The following EDA variants were observed in gnomAD, a reference collection of about 807,000 sequenced individuals.
EDA encodes the protein ectodysplasin A.
Under a neutral mutation model 23.6 loss-of-function variants are expected in EDA, and 2 were observed. That is an observed-to-expected ratio of 0.08 (90% CI 0.03 to 0.27). The LOEUF (loss-of-function observed/expected upper bound fraction) is 0.27. Ranked by LOEUF, EDA falls within the 10% of genes least tolerant of loss-of-function variation. The probability of loss-of-function intolerance (pLI) is 1.00; values close to 1 mark genes in which losing one functional copy is unlikely to be tolerated. For synonymous variants in EDA, 131 were observed against 132.0 expected, an observed-to-expected ratio of 0.99 and a Z score of 0.05; for missense variants, 229 against 324.2, an observed-to-expected ratio of 0.71 and a Z score of 2.26.
chrX:69,861,654 A>G (rs954406242), intron 1 of EDA, among the ~76,000 whole-genome samples: 4 of 111,848 alleles, frequency 3.6e-5, no homozygotes, highest in African/African-American at 1.3e-4. Flanking sequence ...CATCTAAAGC[A>G]TAAGAACACA....
At chrX:69,851,585 A>G (rs1165527068) in intron 1 of EDA, among the ~76,000 whole-genome samples, 1 of 112,521 alleles carries the variant, frequency 8.9e-6, no homozygotes, top group Non-Finnish European at 1.9e-5. Flanking sequence ...CCCACTTGGA[A>G]GAGAAAAATC....
chrX:69,813,097 T>A (rs891253329), intron 1 of EDA, among the ~76,000 whole-genome samples: 2 of 111,107 alleles, frequency 1.8e-5, no homozygotes, highest in East Asian at 5.7e-4. Context: ...AGTAATCCTT[T>A]TATGTGTTCT....
chrX:69,672,748 G>C (rs756312650), intron 1 of EDA, among the ~76,000 whole-genome samples: 1 of 111,047 alleles, frequency 9.0e-6, no homozygotes, highest in South Asian at 3.9e-4. Flanking sequence ...CGGGCGTGGT[G>C]GTGGGCACCT....
At chrX:69,639,980 C>T (rs1410705615) in intron 1 of EDA, among the ~76,000 whole-genome samples, 1 of 111,686 alleles carries the variant, frequency 9.0e-6, no homozygotes, top group Non-Finnish European at 1.9e-5. Flanking sequence ...CGTAGATATC[C>T]AGTTTTCCTA....
chrX:69,990,998 T>G (rs192201562), intron 2 of EDA, among the ~76,000 whole-genome samples: 1 of 111,393 alleles, frequency 9.0e-6, no homozygotes, highest in East Asian at 2.8e-4. Flanking sequence ...TTGGCTTATT[T>G]TGGTCATTTT....
At chrX:69,692,181 G>T (rs1257046329) in intron 1 of EDA, among the ~76,000 whole-genome samples, 1 of 111,709 alleles carries the variant, frequency 9.0e-6, no homozygotes, top group Non-Finnish European at 1.9e-5. Context: ...ACCAGCTGTT[G>T]TAACATGTAT....
chrX:69,719,440 T>C (rs1186788469), intron 1 of EDA, among the ~76,000 whole-genome samples: 1 of 111,010 alleles, frequency 9.0e-6, no homozygotes, highest in African/African-American at 3.3e-5. Flanking sequence ...TTAGTGTACC[T>C]GTCACCTGAA....
chrX:69,902,605 AT>A (rs2018114556), intron 1 of EDA, among the ~76,000 whole-genome samples: 1 of 112,220 alleles, frequency 8.9e-6, no homozygotes, highest in Admixed American at 9.5e-5. Context: ...CATTAAAAAA[AT>A]TCTGTTTGAT....
At chrX:70,022,711 T>C (rs2020053081) in intron 2 of EDA, 1 of 113,406 alleles carries the variant, frequency 8.8e-6, no homozygotes, top group Middle Eastern at 9.5e-4. Context: ...GAGTGTATTA[T>C]GGTCAAACTT....
intron 1 of EDA, among the ~76,000 whole-genome samples, chrX:69,796,364 A>G (rs1034034336): frequency 2.7e-5 from 3 of 112,090 alleles, no homozygotes; most frequent in African/African-American, 9.7e-5. Flanking sequence ...CTAGGAGCCA[A>G]AGACAGGACC....
At chrX:69,921,908 G>A (rs1469272630) in intron 1 of EDA, among the ~76,000 whole-genome samples, 3 of 110,755 alleles carry the variant, frequency 2.7e-5, no homozygotes, top group East Asian at 2.8e-4. Context: ...AGTATCATAC[G>A]GAATATTTCG....
At chrX:69,828,197 G>C (rs1181182173) in intron 1 of EDA, among the ~76,000 whole-genome samples, 1 of 112,144 alleles carries the variant, frequency 8.9e-6, no homozygotes, top group African/African-American at 3.2e-5. Flanking sequence ...ACAGAGGCAG[G>C]CAGGCCTCCT....
intron 1 of EDA, among the ~76,000 whole-genome samples, chrX:69,687,343 T>C (rs913188141): frequency 9.1e-6 from 1 of 110,246 alleles, no homozygotes. Context: ...CTTGCAAATA[T>C]TGTCTTTCAT....
rs189338474 is a variant in EDA, at chrX:69,761,161, T to G, written c.396+144457T>G. 5.4e-5 allele frequency among the ~76,000 whole-genome samples: 6 copies of G among 110,787 alleles called. No individual in the cohort carries two copies. The East Asian group carries it at 1.4e-3, about 26-fold the overall frequency. On this transcript the variant is annotated intron_variant, in intron 1 of 7. Transcript: ENST00000374552. ...AGGTTAGGAAGATGTACAAGGTCAT[T>G]GCTTAGATATCAATGGAAAAGGAAG...
intron 1 of EDA, among the ~76,000 whole-genome samples, chrX:69,922,866 T>C (rs921195549): frequency 4.5e-5 from 5 of 111,352 alleles, no homozygotes; most frequent in Admixed American, 3.8e-4. Flanking sequence ...GTTTTGTTGG[T>C]AAGCAAGATG....
chrX:69,862,196 A>G (rs2017397236), intron 1 of EDA, among the ~76,000 whole-genome samples: 1 of 111,135 alleles, frequency 9.0e-6, no homozygotes, highest in Middle Eastern at 4.6e-3. Flanking sequence ...TCAGTTCTCC[A>G]CCACATGGGC....
intron 1 of EDA, among the ~76,000 whole-genome samples, chrX:69,619,628 C>T (rs1932102051): frequency 8.9e-6 from 1 of 111,908 alleles, no homozygotes; most frequent in Admixed American, 9.4e-5. Flanking sequence ...TCAATCATCT[C>T]CTTCAGCTGG....
chrX:69,817,154 C>T (rs2016099691), intron 1 of EDA, among the ~76,000 whole-genome samples: 4 of 111,862 alleles, frequency 3.6e-5, no homozygotes. Flanking sequence ...AGATCCTTTT[C>T]AGACAGGCGA....
In EDA at chrX:70,028,061, C is replaced by G. The variant is rs199945735; in HGVS notation, c.706+25C>G. 452 of 1,192,344 alleles carry G rather than the reference C, an allele frequency of 3.8e-4. 1 individual carries two copies. In the Middle Eastern group the frequency reaches 5.6e-3, roughly 15 times the overall value. On this transcript the variant is annotated intron_variant, in intron 4 of 7. Coordinates refer to ENST00000374552, the MANE Select transcript of EDA (RefSeq NM_001399.5). Reference sequence around the variant, plus strand: ...GGTGAGTTCCCCTGTCTCTCCACCCCACCAGGTGCCTTTAAAGTACTTTAG... The same window carrying G: ...GGTGAGTTCCCCTGTCTCTCCACCCGACCAGGTGCCTTTAAAGTACTTTAG...
Sources: allele counts gnomAD v4.1 joint callset (sites outside exome capture counted in the v4.1 genomes callset), GRCh38; gene constraint gnomAD v4.1.1; transcripts MANE v1.5; gene names NCBI Gene and HGNC (gene_info 2026-07-23, HGNC 2026-07-21).